Variants in A2ML1 observed in about 807,000 individuals in gnomAD.
The protein encoded by A2ML1 is alpha-2-macroglobulin like 1.
A2ML1 carries 161 observed loss-of-function variants against 181.9 expected under a neutral mutation model. That is an observed-to-expected ratio of 0.89 (90% confidence interval 0.78 to 1.01). A2ML1 has a LOEUF of 1.01. A2ML1 is among the 50% of genes least tolerant of loss of function. The probability of loss-of-function intolerance (pLI) is 0.00; values close to 1 mark genes in which losing one functional copy is unlikely to be tolerated. For missense variants in A2ML1, 1,670 were observed against 1,768.1 expected (o/e 0.94, Z 1.00); for synonymous variants, 663 against 666.8 (o/e 0.99, Z 0.09).
chr12:8,835,479 C>A, intron 5 of A2ML1, 28 bp from the exon 6 acceptor site: 1 of 1,612,028 alleles, frequency 6.2e-7, no homozygotes, highest in Non-Finnish European at 8.5e-7. Flanking sequence ...AACGGGCAGG[C>A]ACATCATGCA....
At chr12:8,859,609 G>C (rs1422647990) in intron 26 of A2ML1, among the ~76,000 whole-genome samples, 1 of 151,554 alleles carries the variant, frequency 6.6e-6, no homozygotes, top group African/African-American at 2.4e-5. Context: ...GTCTTACTCT[G>C]TTGTACAGGC....
In A2ML1 at chr12:8,836,344, G is replaced by C. The variant is rs1221484853; in HGVS notation, c.728+5G>C. 6.2e-7 allele frequency: 1 copy of C among 1,611,788 alleles called. No individual in the cohort carries two copies. Among genetic ancestry groups the C allele is most frequent in the Non-Finnish European group, 8.5e-7 (1 of 1,178,036 alleles). ...CTTAGTAAAAATTTGTTGTAGGTAA[G>C]AGCAGAAGCTTGGGATCTGGTGGAG... On this transcript the variant is annotated splice_donor_5th_base_variant and intron_variant, in intron 7 of 35. Coordinates refer to ENST00000299698, the MANE Select transcript of A2ML1 (RefSeq NM_144670.6).
chr12:8,870,290 C>T (rs1489564915), intron 33 of A2ML1, among the ~76,000 whole-genome samples: 2 of 151,140 alleles, frequency 1.3e-5, no homozygotes, highest in Admixed American at 6.6e-5. Flanking sequence ...TTTTTTGAGA[C>T]GCAGTCTCGC....
chr12:8,857,617 T>C (rs751519177), intron 25 of A2ML1, 29 bp downstream of exon 25: 42 of 1,596,842 alleles, frequency 2.6e-5, no homozygotes, highest in Non-Finnish European at 3.4e-5. Context: ...CAATGAGTTC[T>C]GTACTCCAGA....
At position 8,837,424 on chromosome 12, in the gene A2ML1, T is replaced by A. The variant is rs1229706826; in HGVS notation, c.729-16T>A. ...GGAATTTCCCAACTCTGACTCCTTA[T>A]GCTTTTCTTGGTTAGGTACACCTAT... On this transcript the variant is annotated splice_polypyrimidine_tract_variant and intron_variant, in intron 7 of 35. Transcript: ENST00000299698. The A allele has an allele frequency of 6.2e-7, 1 of 1,613,122 alleles. No individual in the cohort carries two copies. Among genetic ancestry groups the A allele is most frequent in the Admixed American group, 1.7e-5 (1 of 60,012 alleles).
chr12:8,870,266 TTC>T (rs1314645163), intron 33 of A2ML1, among the ~76,000 whole-genome samples: 3 of 149,528 alleles, frequency 2.0e-5, no homozygotes, highest in Non-Finnish European at 4.5e-5. Flanking sequence ...CGTGTATAGT[TTC>T]TTTTTTCTTT....
At chr12:8,863,498 C>T (rs1206077777) in intron 28 of A2ML1, among the ~76,000 whole-genome samples, 1 of 152,156 alleles carries the variant, frequency 6.6e-6, no homozygotes, top group Non-Finnish European at 1.5e-5. Context: ...TTATAAGAAG[C>T]TTCTATTTAC....
intron 11 of A2ML1, among the ~76,000 whole-genome samples, chr12:8,842,149 G>A (rs1392614740): frequency 2.6e-5 from 4 of 152,200 alleles, no homozygotes; most frequent in African/African-American, 9.7e-5. Flanking sequence ...TCTTATGGCA[G>A]TGATGAGGTG....
intron 2 of A2ML1, 177 bp downstream of exon 2, chr12:8,823,542 G>A (rs1327965014): frequency 9.3e-6 from 10 of 1,078,390 alleles, no homozygotes; most frequent in South Asian, 6.4e-5. Context: ...CCTCGACCTA[G>A]GATTTCTCCC....
rs1214723518 is a variant in A2ML1, at chr12:8,851,974, A to ATCACCACCGT, written c.2425_2426insTCACCACCGT (p.Thr809IlefsTer20). On this transcript the variant is annotated frameshift_variant, in exon 19 of 36. Coordinates refer to ENST00000299698, the MANE Select transcript of A2ML1 (RefSeq NM_144670.6). LOFTEE classifies it high-confidence loss of function. ...AGTCCGTGGGGAATCCTTTCGTCTT[A>ATCACCACCGT]CTGCCACCATCTTCAATTACCTAAA... 2 of 1,614,192 alleles carry ATCACCACCGT rather than the reference A, an allele frequency of 1.2e-6. No homozygotes were observed. Among genetic ancestry groups the ATCACCACCGT allele is most frequent in the Admixed American group, 1.7e-5 (1 of 60,024 alleles).
At chr12:8,886,667 C>T (rs1420694957) in exon 8 of A2ML1, 2 of 152,148 alleles carry the variant, frequency 1.3e-5, no homozygotes, top group South Asian at 2.1e-4. Flanking sequence ...CAGTTGTGCC[C>T]GCTCTGGACT....
Position 8,868,332 on chromosome 12 carries a change from T to A in A2ML1, c.4036T>A (p.Ser1346Thr), listed in dbSNP as rs1441229879. The part of the protein sequence containing the change: ...ARCEQPTSPR[S>T]LTLTIHTSYV... ...ATGTGAGCAACCGACTTCACCTCGA[T>A]CCTTGACTCTCACTATTCACACCAG... Residue 1346 changes from serine to threonine, a missense_variant, in exon 31 of 36, where the codon TCC (serine) becomes ACC (threonine). By Grantham distance (58) the Ser-to-Thr change is moderately conservative. Transcript: ENST00000299698. 1.9e-6 allele frequency: 3 copies of A among 1,613,496 alleles called. No homozygotes were observed. The African/African-American group carries it at 4.0e-5, about 22-fold the overall frequency.
chr12:8,874,552 A>T (rs988205419), intron 34 of A2ML1, 25 bp downstream of exon 34: 1 of 1,557,882 alleles, frequency 6.4e-7, no homozygotes, highest in Non-Finnish European at 8.8e-7. Context: ...CTGAAATGAG[A>T]TCTGAGATCT....
intron 3 of A2ML1, among the ~76,000 whole-genome samples, chr12:8,824,126 A>T (rs1056823556): frequency 6.6e-6 from 1 of 151,698 alleles, no homozygotes; most frequent in Non-Finnish European, 1.5e-5. Flanking sequence ...CTTCTGGAAT[A>T]GAATTTGGCA....
intron 15 of A2ML1, 69 bp downstream of exon 15, chr12:8,847,767 C>T: frequency 6.5e-7 from 1 of 1,544,876 alleles, no homozygotes; most frequent in Non-Finnish European, 8.7e-7. Flanking sequence ...AGGTAGGTTT[C>T]AGGCAGGGGA....
chr12:8,868,198 G>T, intron 30 of A2ML1, 32 bp from the exon 31 acceptor site: 2 of 1,612,630 alleles, frequency 1.2e-6, no homozygotes, highest in Non-Finnish European at 1.7e-6. Context: ...TTCTTTCCAA[G>T]TCTGATTTGG....
intron 3 of A2ML1, among the ~76,000 whole-genome samples, chr12:8,826,209 C>T (rs899871656): frequency 2.0e-5 from 3 of 152,030 alleles, no homozygotes; most frequent in Non-Finnish European, 2.9e-5. Context: ...TTAGGTAGTA[C>T]GGAATTTTAA....
chr12:8,833,108 G>T (rs952324098), intron 4 of A2ML1, among the ~76,000 whole-genome samples: 1 of 151,634 alleles, frequency 6.6e-6, no homozygotes, highest in Admixed American at 6.6e-5. Context: ...CAAGTAGTTG[G>T]GTTTACAGGA....
intron 12 of A2ML1, 33 bp downstream of exon 12, chr12:8,843,394 T>C (rs1432221333): frequency 1.9e-6 from 3 of 1,598,446 alleles, no homozygotes; most frequent in East Asian, 2.2e-5. Context: ...GGTGAGAGTA[T>C]GCTGGGAAGG....
Sources: gnomAD v4.1 joint callset for allele counts (sites outside exome capture counted in the v4.1 genomes callset) on GRCh38, gnomAD v4.1.1 for gene constraint, MANE v1.5 for transcripts, NCBI Gene and HGNC (gene_info 2026-07-23, HGNC 2026-07-21) for gene names.